Variants in RELN observed in about 807,000 individuals in gnomAD.
RELN encodes the protein reelin.
In RELN, 108 loss-of-function variants were observed where a neutral mutation model predicts 427.6. The observed-to-expected ratio is 0.25, with a 90% CI of 0.22 to 0.30. The LOEUF is 0.30. Among genes scored for constraint, RELN ranks in the 10% least tolerant of loss-of-function variants. The pLI, the probability that RELN is intolerant of heterozygous loss-of-function variation, is 1.00. For synonymous variants in RELN, 1,524 were observed against 1,513.4 expected (o/e 1.01, Z -0.16); for missense variants, 3,715 against 4,302.8 (o/e 0.86, Z 3.82).
Position 103,630,009 on chromosome 7 carries a change from T to G in RELN, c.2633A>C (p.Glu878Ala). 1 of 1,613,870 alleles carries G rather than the reference T, an allele frequency of 6.2e-7. No homozygotes were observed. The highest frequency in any genetic ancestry group is 1.1e-5 in the South Asian group (1 of 91,072). ...SISLDFTNLVEVTQSLGFYLG... is the reference protein window; with the variant it reads ...SISLDFTNLVAVTQSLGFYLG... ...GTAGAATCCCAGAGACTGAGTGACC[T>G]CCACAAGATTGGTAAAGTCAAGACT... Residue 878 changes from glutamate (E) to alanine (A), a missense_variant, in exon 20 of 65, where the codon GAG becomes GCG. Glu to Ala is a moderately radical substitution (Grantham distance 107, BLOSUM62 -1). Coordinates refer to ENST00000428762, the MANE Select transcript of RELN (RefSeq NM_005045.4).
At chr7:103,548,992 C>T (rs1225201339) in intron 41 of RELN, among the ~76,000 whole-genome samples, 2 of 152,184 alleles carry the variant, frequency 1.3e-5, no homozygotes, top group Admixed American at 1.3e-4. Context: ...TCGTAACCTA[C>T]AATCTATCTT....
At chr7:103,636,596 T>C in intron 17 of RELN, 128 bp from the exon 18 acceptor site, 1 of 721,248 alleles carries the variant, frequency 1.4e-6, no homozygotes, top group East Asian at 2.7e-5. Context: ...TCATTAGTCT[T>C]TGGAGACTAC....
intron 2 of RELN, among the ~76,000 whole-genome samples, chr7:103,851,695 A>G (rs1444898114): frequency 6.6e-6 from 1 of 152,138 alleles, no homozygotes; most frequent in Non-Finnish European, 1.5e-5. Context: ...TTCCTGTAGG[A>G]TCCTAACTAA....
intron 3 of RELN, among the ~76,000 whole-genome samples, chr7:103,815,149 G>A (rs769601040): frequency 5.9e-5 from 9 of 152,160 alleles, no homozygotes; most frequent in Non-Finnish European, 1.0e-4. Flanking sequence ...TTGTAGAGGT[G>A]CAGACAAGTA....
intron 24 of RELN, among the ~76,000 whole-genome samples, chr7:103,598,894 T>G (rs1352302521): frequency 1.3e-5 from 2 of 152,230 alleles, no homozygotes; most frequent in African/African-American, 4.8e-5. Flanking sequence ...CTGTGATCAA[T>G]GTATTTATGT....
intron 42 of RELN, among the ~76,000 whole-genome samples, chr7:103,543,978 A>G (rs1830229313): frequency 6.6e-6 from 1 of 152,012 alleles, no homozygotes; most frequent in African/African-American, 2.4e-5. Context: ...GTCTTTATGA[A>G]TTTACTTATT....
In RELN at chr7:103,501,537, T is replaced by C. The variant is rs969806383; in HGVS notation, c.8490-615A>G. On this transcript the variant is annotated intron_variant, in intron 52 of 64. Coordinates refer to ENST00000428762, the MANE Select transcript of RELN (RefSeq NM_005045.4). ...AAAACAAGCCTCATAATTATCCTTA[T>C]ATTAAAATATGCCATACTATTTTGG... Among the ~76,000 whole-genome samples, 4 of 152,232 alleles carry C rather than the reference T, an allele frequency of 2.6e-5. No homozygotes were observed. The East Asian group carries it at 7.7e-4, about 29-fold the overall frequency.
chr7:103,500,346 T>C (rs1828984124), intron 53 of RELN, among the ~76,000 whole-genome samples: 1 of 152,208 alleles, frequency 6.6e-6, no homozygotes, highest in Non-Finnish European at 1.5e-5. Context: ...GAAAATTTGG[T>C]CTTTTGTGAT....
intron 52 of RELN, among the ~76,000 whole-genome samples, chr7:103,501,932 C>T (rs1389385464): frequency 6.6e-6 from 1 of 151,886 alleles, no homozygotes; most frequent in African/African-American, 2.4e-5. Context: ...GACGTAAGTA[C>T]GGAAGCATCC....
intron 11 of RELN, among the ~76,000 whole-genome samples, chr7:103,666,053 T>A (rs1833259008): frequency 1.3e-5 from 2 of 151,996 alleles, no homozygotes; most frequent in South Asian, 2.1e-4. Flanking sequence ...TTCTTTGATT[T>A]TTTTATTTTT....
intron 2 of RELN, among the ~76,000 whole-genome samples, chr7:103,862,925 G>C (rs1457788365): frequency 1.3e-5 from 2 of 152,098 alleles, no homozygotes; most frequent in Non-Finnish European, 2.9e-5. Context: ...CTTAGGGAGA[G>C]CCACATATTG....
chr7:103,510,772 T>C (rs1829380608), intron 51 of RELN, 79 bp downstream of exon 51: 17 of 1,170,750 alleles, frequency 1.5e-5, no homozygotes, highest in Admixed American at 5.5e-5. Context: ...AATGAAATAT[T>C]AGATCATCTT....
intron 1 of RELN, among the ~76,000 whole-genome samples, chr7:103,987,028 G>C (rs1416708273): frequency 1.5e-5 from 2 of 134,026 alleles, no homozygotes; most frequent in Non-Finnish European, 1.5e-5. Context: ...ACATACATAA[G>C]CATCACTTCA....
intron 52 of RELN, among the ~76,000 whole-genome samples, chr7:103,501,842 C>CTAAT (rs1829039877): frequency 6.6e-6 from 1 of 152,216 alleles, no homozygotes; most frequent in South Asian, 2.1e-4. Context: ...TATTGAGTGG[C>CTAAT]TAATTGGTAC....
chr7:103,583,322 C>T (rs1562904849), intron 28 of RELN, among the ~76,000 whole-genome samples: 1 of 152,122 alleles, frequency 6.6e-6, no homozygotes, highest in Admixed American at 6.5e-5. Context: ...AACCAATTTC[C>T]CCTAAAAAAA....
intron 11 of RELN, among the ~76,000 whole-genome samples, chr7:103,674,157 G>C (rs925532238): frequency 6.6e-6 from 1 of 151,662 alleles, no homozygotes; most frequent in African/African-American, 2.4e-5. Flanking sequence ...TTGTTATTTA[G>C]CTCTGCCTAT....
chr7:103,553,376 G>T, intron 40 of RELN, 85 bp downstream of exon 40: 1 of 1,051,654 alleles, frequency 9.5e-7, no homozygotes, highest in East Asian at 2.6e-5. Context: ...CATAATGCAT[G>T]AAATTATCTG....
intron 8 of RELN, among the ~76,000 whole-genome samples, chr7:103,702,331 C>G (rs1834111116): frequency 1.3e-5 from 2 of 152,136 alleles, no homozygotes; most frequent in African/African-American, 4.8e-5. Context: ...AAATTAGCCT[C>G]AAGAATTTAA....
Position 103,766,022 on chromosome 7 carries a change from C to G in RELN, c.544+10535G>C, listed in dbSNP as rs570735628. ...ATGGTCATGTGAATCAGCTCTTTGT[C>G]ATTCCCCTTAATCTGCTTGTCTTCA... is the stretch of plus-strand genomic sequence containing the variant. On this transcript the variant is annotated intron_variant, in intron 4 of 64. Transcript: ENST00000428762. Among the ~76,000 whole-genome samples the G allele has an allele frequency of 3.3e-5, 5 of 152,288 alleles. 1 individual carries two copies. Among genetic ancestry groups the G allele is most frequent in the African/African-American group, 1.2e-4 (5 of 41,562 alleles).
Sources: allele counts gnomAD v4.1 joint callset (sites outside exome capture counted in the v4.1 genomes callset), GRCh38; gene constraint gnomAD v4.1.1; transcripts MANE v1.5; gene names NCBI Gene and HGNC (gene_info 2026-07-23, HGNC 2026-07-21).